The following FHIT variants were observed in gnomAD, a reference collection of about 807,000 sequenced individuals.
The protein encoded by FHIT is bis(5'-adenosyl)-triphosphatase.
Under a neutral mutation model 17.9 loss-of-function variants are expected in FHIT, and 19 were observed. That is an observed-to-expected ratio of 1.06 (90% CI 0.74 to 1.56). The LOEUF is 1.56. Ranked by LOEUF, FHIT falls within the 40% of genes most tolerant of loss-of-function variation. The probability of loss-of-function intolerance (pLI) is 0.00; values close to 1 mark genes in which losing one functional copy is unlikely to be tolerated. For synonymous variants in FHIT, 81 were observed against 69.7 expected, an observed-to-expected ratio of 1.16 and a Z score of -0.81; for missense variants, 248 against 189.2, an observed-to-expected ratio of 1.31 and a Z score of -1.82.
chr3:60,567,332 C>G (rs1471421866), intron 4 of FHIT, among the ~76,000 whole-genome samples: 1 of 150,434 alleles, frequency 6.6e-6, no homozygotes, highest in Non-Finnish European at 1.5e-5. Context: ...TGATCTTTGA[C>G]AAACCTGACA....
intron 5 of FHIT, among the ~76,000 whole-genome samples, chr3:60,230,871 T>A (rs964865396): frequency 6.6e-6 from 1 of 152,174 alleles, no homozygotes; most frequent in Admixed American, 6.5e-5. Flanking sequence ...CCACCACGTC[T>A]GGCTAATTTT....
intron 5 of FHIT, among the ~76,000 whole-genome samples, chr3:60,376,332 G>C (rs944942790): frequency 6.6e-6 from 1 of 152,152 alleles, no homozygotes; most frequent in Non-Finnish European, 1.5e-5. Flanking sequence ...ATATTAATAA[G>C]TTGGTTAAGT....
At chr3:60,881,870 C>G (rs1046814662) in intron 3 of FHIT, among the ~76,000 whole-genome samples, 2 of 151,468 alleles carry the variant, frequency 1.3e-5, no homozygotes, top group Non-Finnish European at 2.9e-5. Flanking sequence ...CAAACCAAAC[C>G]CAAAATTAGT....
At chr3:59,973,088 G>C (rs1213363311) in intron 7 of FHIT, among the ~76,000 whole-genome samples, 1 of 151,928 alleles carries the variant, frequency 6.6e-6, no homozygotes, top group African/African-American at 2.4e-5. Context: ...CTCAATTCTG[G>C]TGCTTCTCAC....
chr3:60,627,680 C>A (rs956765606), intron 4 of FHIT, among the ~76,000 whole-genome samples: 1 of 152,082 alleles, frequency 6.6e-6, no homozygotes, highest in Non-Finnish European at 1.5e-5. Flanking sequence ...TGTGCCACCA[C>A]ACCCGGCTAA....
At chr3:60,983,479 C>T (rs1035018261) in intron 3 of FHIT, among the ~76,000 whole-genome samples, 1 of 152,084 alleles carries the variant, frequency 6.6e-6, no homozygotes, top group Admixed American at 6.6e-5. Flanking sequence ...GTTGCACATA[C>T]GTGGGAGCTG....
intron 8 of FHIT, among the ~76,000 whole-genome samples, chr3:59,870,190 C>G (rs980442163): frequency 3.9e-5 from 6 of 152,174 alleles, no homozygotes; most frequent in African/African-American, 1.4e-4. Flanking sequence ...GCATCGCGAG[C>G]ATCAGGCACC....
At chr3:60,330,579 T>C (rs890013017) in intron 5 of FHIT, among the ~76,000 whole-genome samples, 5 of 152,210 alleles carry the variant, frequency 3.3e-5, no homozygotes, top group Non-Finnish European at 7.3e-5. Context: ...GGCATCCAGA[T>C]TGTTCTGGAA....
intron 4 of FHIT, among the ~76,000 whole-genome samples, chr3:60,649,292 C>G (rs2039937013): frequency 6.6e-6 from 1 of 152,068 alleles, no homozygotes; most frequent in Non-Finnish European, 1.5e-5. Context: ...CCCAGCTACT[C>G]AGGAGTCTGA....
intron 5 of FHIT, among the ~76,000 whole-genome samples, chr3:60,113,519 C>A (rs1704777556): frequency 6.6e-6 from 1 of 151,710 alleles, no homozygotes; most frequent in Non-Finnish European, 1.5e-5. Flanking sequence ...TCACTGTACC[C>A]TACTATTAGC....
intron 3 of FHIT, among the ~76,000 whole-genome samples, chr3:61,019,592 G>A (rs1487358302): frequency 6.6e-6 from 1 of 152,202 alleles, no homozygotes; most frequent in Non-Finnish European, 1.5e-5. Context: ...GTAACTTGTA[G>A]ATTCTTTCAC....
At chr3:60,161,638 G>A (rs923936826) in intron 5 of FHIT, among the ~76,000 whole-genome samples, 1 of 152,086 alleles carries the variant, frequency 6.6e-6, no homozygotes, top group South Asian at 2.1e-4. Context: ...GCTGCACATG[G>A]AGAGTGTTTC....
intron 7 of FHIT, among the ~76,000 whole-genome samples, chr3:60,003,590 C>T (rs368010847): frequency 2.0e-5 from 3 of 151,926 alleles, no homozygotes; most frequent in Admixed American, 6.6e-5. Flanking sequence ...ATTAAAAATA[C>T]AAATAATAGC....
At chr3:60,469,268 T>C (rs1196319557) in intron 5 of FHIT, among the ~76,000 whole-genome samples, 1 of 152,124 alleles carries the variant, frequency 6.6e-6, no homozygotes, top group African/African-American at 2.4e-5. Flanking sequence ...CTGCCTCCTC[T>C]TTAAGGCCAA....
chr3:60,709,715 A>G (rs1235170830), intron 4 of FHIT, among the ~76,000 whole-genome samples: 1 of 152,202 alleles, frequency 6.6e-6, no homozygotes, highest in Non-Finnish European at 1.5e-5. Context: ...TATTAGAAAA[A>G]GTCTTTAAGT....
intron 1 of FHIT, among the ~76,000 whole-genome samples, chr3:61,203,132 A>C (rs2039083505): frequency 6.8e-6 from 1 of 147,694 alleles, no homozygotes; most frequent in African/African-American, 2.5e-5. Context: ...GTGAGCAGAG[A>C]TCGCACCACT....
chr3:60,172,823 G>T (rs958429202), intron 5 of FHIT, among the ~76,000 whole-genome samples: 11 of 152,058 alleles, frequency 7.2e-5, no homozygotes, highest in African/African-American at 2.7e-4. Context: ...ACTAGTAATA[G>T]AAATGATCCA....
intron 5 of FHIT, among the ~76,000 whole-genome samples, chr3:60,086,202 T>C (rs1051236813): frequency 6.6e-6 from 1 of 152,094 alleles, no homozygotes; most frequent in African/African-American, 2.4e-5. Context: ...TTCTGGAAAC[T>C]AATAGAGTGA....
In FHIT at chr3:60,624,904, T is replaced by TG. The variant is rs1366955956; in HGVS notation, c.-17-87926_-17-87925insC. On this transcript the variant is annotated intron_variant, in intron 4 of 9. Coordinates refer to ENST00000492590, the MANE Select transcript of FHIT (RefSeq NM_002012.4). ...ATTTGGCTTGTTTCTAGTTTTTTTT[T>TG]TTGTTTGTTTGTTTGTTTGTTTTTG... Among the ~76,000 whole-genome samples the TG allele has an allele frequency of 7.7e-3, 1,153 of 150,676 alleles. 23 individuals carry two copies. The highest frequency in any genetic ancestry group is 0.027 in the African/African-American group (1,114 of 40,898).
Sources: gnomAD v4.1 joint callset for allele counts (sites outside exome capture counted in the v4.1 genomes callset) on GRCh38, gnomAD v4.1.1 for gene constraint, MANE v1.5 for transcripts, NCBI Gene and HGNC (gene_info 2026-07-23, HGNC 2026-07-21) for gene names.